Variants in RPTOR observed in about 807,000 individuals in gnomAD.
RPTOR encodes regulatory-associated protein of mTOR.
Under a neutral mutation model 169.9 loss-of-function variants are expected in RPTOR, and 21 were observed. The observed-to-expected ratio is 0.12, with a 90% CI of 0.09 to 0.18. RPTOR has a LOEUF of 0.18. RPTOR is among the 10% of genes least tolerant of loss of function. The pLI, the probability that RPTOR is intolerant of heterozygous loss-of-function variation, is 1.00. For synonymous variants in RPTOR, 732 were observed against 753.2 expected (o/e 0.97, Z 0.46); for missense variants, 1,133 against 1,855.9 (o/e 0.61, Z 7.16).
intron 2 of RPTOR, 61 bp downstream of exon 2, chr17:80,625,854 G>GTC (rs2065389989): frequency 2.4e-6 from 3 of 1,237,016 alleles, no homozygotes; most frequent in African/African-American, 1.5e-5. Flanking sequence ...GGCCTGGGCG[G>GTC]GGCTCGCCAA....
At chr17:80,884,135 A>G (rs1391070966) in intron 16 of RPTOR, among the ~76,000 whole-genome samples, 163 bp downstream of exon 16, 1 of 152,214 alleles carries the variant, frequency 6.6e-6, no homozygotes, top group Non-Finnish European at 1.5e-5. Flanking sequence ...GAAGAGAACC[A>G]CACCACTGGG....
intron 11 of RPTOR, among the ~76,000 whole-genome samples, chr17:80,853,732 A>C (rs2067820817): frequency 6.6e-6 from 1 of 152,230 alleles, no homozygotes; most frequent in Non-Finnish European, 1.5e-5. Flanking sequence ...TAATCCCAGC[A>C]CTTTGGGAGG....
At chr17:80,869,963 C>T (rs2068034558) in intron 13 of RPTOR, among the ~76,000 whole-genome samples, 1 of 152,280 alleles carries the variant, frequency 6.6e-6, no homozygotes, top group South Asian at 2.1e-4. Context: ...GCTGGTCACA[C>T]TTTGCAAGGA....
intron 13 of RPTOR, among the ~76,000 whole-genome samples, chr17:80,869,537 T>C (rs537586300): frequency 6.6e-6 from 1 of 152,296 alleles, no homozygotes; most frequent in Admixed American, 6.5e-5. Flanking sequence ...ATCAGCTAAG[T>C]GCAGTTCCTA....
At chr17:80,821,479 C>T (rs2067377629) in intron 7 of RPTOR, among the ~76,000 whole-genome samples, 2 of 152,206 alleles carry the variant, frequency 1.3e-5, no homozygotes. Context: ...CCTCCAGCTC[C>T]ATCCAAGTTG....
intron 19 of RPTOR, among the ~76,000 whole-genome samples, chr17:80,893,323 CGCGCGCCAGGTGTGTGT>C (rs369518241): frequency 0.012 from 1,445 of 122,310 alleles, 32 homozygotes; most frequent in African/African-American, 0.046. Context: ...CAGGTGTGTG[CGCGCGCCAGGTGTGTGT>C]GCGCCAGGGT....
At chr17:80,650,158 G>A (rs1332799747) in intron 3 of RPTOR, among the ~76,000 whole-genome samples, 1 of 152,224 alleles carries the variant, frequency 6.6e-6, no homozygotes, top group African/African-American at 2.4e-5. Flanking sequence ...AGCCTGTTGT[G>A]ACTAGACTCC....
At position 80,957,792 on chromosome 17, in the gene RPTOR, TC is replaced by T; in HGVS notation, c.3477+63del. On this transcript the variant is annotated intron_variant, in intron 29 of 33. Transcript: ENST00000306801. This position sits in a 1 kb window ranked among gnomAD's most constrained non-coding sequence, Gnocchi z 4.6. ...GGGGCAGTGTGTGCAGGGCTGGTCCTCGTCACAGAACCCAGCAAAGTGTGCG... is the reference window on the plus strand; with the variant it reads ...GGGGCAGTGTGTGCAGGGCTGGTCCTGTCACAGAACCCAGCAAAGTGTGCG... 1.4e-6 allele frequency: 2 copies of T among 1,476,310 alleles called. No homozygotes were observed. Among genetic ancestry groups the T allele is most frequent in the Non-Finnish European group, 1.9e-6 (2 of 1,057,072 alleles). 91.5% of individuals were successfully genotyped at this position (1,476,310 alleles called of 1,614,324 possible).
At chr17:80,862,445 T>G (rs1275425084) in intron 13 of RPTOR, among the ~76,000 whole-genome samples, 2 of 151,558 alleles carry the variant, frequency 1.3e-5, no homozygotes, top group Non-Finnish European at 2.9e-5. Flanking sequence ...CCATGGATGT[T>G]GCTGGCGGTC....
In RPTOR at chr17:80,584,733, A is replaced by G. The variant is rs146395885; in HGVS notation, c.162+38942A>G. ...GTCCGGATGGAACGTGGACGCCATC[A>G]TGTGTTTACTGCTTTTATCTCTTAG... On this transcript the variant is annotated intron_variant, in intron 1 of 33. Transcript: ENST00000306801. Among the ~76,000 whole-genome samples the G allele has an allele frequency of 2.0e-4, 30 of 152,340 alleles. 1 individual carries two copies. The highest frequency in any genetic ancestry group is 2.9e-4 in the Non-Finnish European group (20 of 68,040).
At chr17:80,666,075 T>C (rs2065776696) in intron 3 of RPTOR, among the ~76,000 whole-genome samples, 1 of 152,100 alleles carries the variant, frequency 6.6e-6, no homozygotes, top group African/African-American at 2.4e-5. Flanking sequence ...TTAGTGACTG[T>C]CCCTCAAAGA....
At chr17:80,769,247 C>T (rs1176481002) in intron 6 of RPTOR, among the ~76,000 whole-genome samples, 1 of 152,042 alleles carries the variant, frequency 6.6e-6, no homozygotes, top group East Asian at 1.9e-4. Flanking sequence ...TGAATTAATC[C>T]AGGAGACGTT....
At chr17:80,697,548 GA>G (rs1265890185) in intron 3 of RPTOR, among the ~76,000 whole-genome samples, 1 of 152,266 alleles carries the variant, frequency 6.6e-6, no homozygotes, top group East Asian at 1.9e-4. Context: ...AAGGGAGGAG[GA>G]GGGCGGCGTG....
intron 21 of RPTOR, among the ~76,000 whole-genome samples, chr17:80,918,343 G>A (rs1000158811): frequency 1.3e-5 from 2 of 152,180 alleles, no homozygotes; most frequent in South Asian, 2.1e-4. Context: ...CTGGGGTGGC[G>A]GCCGGGAATC....
intron 4 of RPTOR, chr17:80,709,049 CAG>C (rs1484383398): frequency 9.1e-6 from 9 of 985,344 alleles, no homozygotes; most frequent in Non-Finnish European, 1.1e-5. Context: ...GGGCCCAGAG[CAG>C]AGACCTCGAG....
At chr17:80,902,980 A>G (rs1400931604) in intron 20 of RPTOR, among the ~76,000 whole-genome samples, 1 of 152,222 alleles carries the variant, frequency 6.6e-6, no homozygotes, top group Non-Finnish European at 1.5e-5. Flanking sequence ...TCATCCCGAG[A>G]GCGCTGGCAG....
chr17:80,671,457 T>C (rs1310362490), intron 3 of RPTOR, among the ~76,000 whole-genome samples: 1 of 152,224 alleles, frequency 6.6e-6, no homozygotes, highest in East Asian at 1.9e-4. Flanking sequence ...TTGATGTGTC[T>C]ATTTGCCCTC....
Position 80,823,641 on chromosome 17 carries a change from T to TCACACACACA in RPTOR, c.1136+447_1136+456dup, listed in dbSNP as rs3042670. 6.2e-4 allele frequency: 97 copies of TCACACACACA among 157,084 alleles called. 2 individuals are homozygous for TCACACACACA. Among genetic ancestry groups the TCACACACACA allele is most frequent in the African/African-American group, 2.2e-3 (91 of 40,592 alleles). 9.7% of individuals were successfully genotyped at this position (157,084 alleles called of 1,614,324 possible). On this transcript the variant is annotated intron_variant, in intron 9 of 33. Transcript: ENST00000306801. The surrounding 1 kb of genome is among the most constrained non-coding windows in gnomAD (Gnocchi z 4.5). Reference sequence around the variant, plus strand: ...ATCAATTAGTTTTTATGCTTATTTCTCACACACACACACACACACACACAC... The same window carrying TCACACACACA: ...ATCAATTAGTTTTTATGCTTATTTCTCACACACACACACACACACACACACACACACACAC...
At chr17:80,653,425 T>TA (rs1407528209) in intron 3 of RPTOR, among the ~76,000 whole-genome samples, 9 of 152,348 alleles carry the variant, frequency 5.9e-5, no homozygotes, top group Middle Eastern at 3.4e-3. Context: ...ATACTGATCA[T>TA]ATATATACTG....
Sources: allele counts gnomAD v4.1 joint callset (sites outside exome capture counted in the v4.1 genomes callset), GRCh38; gene constraint gnomAD v4.1.1; non-coding constraint Gnocchi (gnomAD v3.1); transcripts MANE v1.5; gene names NCBI Gene and HGNC (gene_info 2026-07-23, HGNC 2026-07-21).